POM121C: variants seen among roughly 807,000 people sequenced by gnomAD.
The protein encoded by POM121C is nuclear envelope pore membrane protein POM 121C.
In POM121C, 20 loss-of-function variants were observed where a neutral mutation model predicts 66.4. The observed-to-expected ratio is 0.30, with a 90% confidence interval of 0.21 to 0.44. The LOEUF (loss-of-function observed/expected upper bound fraction) is 0.44. POM121C is among the 20% of genes least tolerant of loss of function. POM121C has a pLI of 1.00. For missense variants in POM121C, 580 were observed against 1,225.7 expected, an observed-to-expected ratio of 0.47 and a Z score of 7.87; for synonymous variants, 286 against 528.0, an observed-to-expected ratio of 0.54 and a Z score of 6.28.
intron 3 of POM121C, among the ~76,000 whole-genome samples, chr7:75,450,811 T>A (rs1297083333): frequency 3.9e-5 from 6 of 152,238 alleles, no homozygotes; most frequent in Non-Finnish European, 7.3e-5. Context: ...ATGCCAGAGT[T>A]ACTACCTTGC....
intron 3 of POM121C, among the ~76,000 whole-genome samples, chr7:75,456,615 G>A (rs1367323676): frequency 1.3e-5 from 2 of 152,242 alleles, no homozygotes; most frequent in African/African-American, 4.8e-5. Flanking sequence ...GCTTTGGGCT[G>A]GAAATGGGGT....
intron 3 of POM121C, among the ~76,000 whole-genome samples, chr7:75,473,644 G>A (rs587653668): frequency 1.3e-5 from 2 of 152,248 alleles, no homozygotes; most frequent in South Asian, 4.1e-4. Flanking sequence ...ATAAAATCGA[G>A]GGCAGAAAAT....
rs1418265735 is a variant in POM121C, at chr7:75,417,139, T to G, written c.*1657A>C. On this transcript the variant is annotated 3_prime_UTR_variant, in exon 15 of 15. Transcript: ENST00000615331. ...GCTTGAGGTTCACTCCCTCCTCAGC[T>G]GCACACGCAGCCAGGTATAACACTC... The G allele has an allele frequency of 2.0e-6, 2 of 1,004,366 alleles. No individual in the cohort carries two copies. Among genetic ancestry groups the G allele is most frequent in the African/African-American group, 3.4e-5 (2 of 58,280 alleles). 62.2% of individuals were successfully genotyped at this position (1,004,366 alleles called of 1,614,324 possible).
chr7:75,475,256 C>T (rs1383796116), intron 1 of POM121C, 68 bp from the exon 2 acceptor site: 47 of 1,190,970 alleles, frequency 3.9e-5, no homozygotes, highest in African/African-American at 2.2e-4. Context: ...TTTTACAAAG[C>T]TCACTGGTGA....
chr7:75,476,688 T>C (rs1792091504), intron 1 of POM121C, among the ~76,000 whole-genome samples: 1 of 151,914 alleles, frequency 6.6e-6, no homozygotes, highest in African/African-American at 2.4e-5. Flanking sequence ...GTTAGAAGAC[T>C]GATCGACCAA....
At position 75,418,707 on chromosome 7, in the gene POM121C, G is replaced by T. The variant is rs587634020; in HGVS notation, c.*89C>A. On this transcript the variant is annotated 3_prime_UTR_variant, in exon 15 of 15. Coordinates refer to ENST00000615331, the MANE Select transcript of POM121C (RefSeq NM_001099415.3). Reference sequence around the variant, plus strand: ...GAGATCCGGGGTAGGTTTGCTTTACGCAGCTGGAAGGGTCCAAGGCTCTTT... The same window carrying T: ...GAGATCCGGGGTAGGTTTGCTTTACTCAGCTGGAAGGGTCCAAGGCTCTTT... 1 of 1,430,242 alleles carries T rather than the reference G, an allele frequency of 7.0e-7. No individual in the cohort carries two copies. The highest frequency in any genetic ancestry group is 2.6e-5 in the East Asian group (1 of 37,866). The allele number at this position is 1,430,242 out of a possible 1,614,324, so 88.6% of individuals were successfully genotyped here. A position where few individuals can be genotyped will look rare whatever the true frequency, so the allele number is the denominator to read the frequency against.
intron 3 of POM121C, among the ~76,000 whole-genome samples, chr7:75,453,873 A>G (rs1291371451): frequency 6.6e-6 from 1 of 152,142 alleles, no homozygotes; most frequent in African/African-American, 2.4e-5. Flanking sequence ...GTCAGCCAGG[A>G]CTTCAACTGA....
chr7:75,473,534 A>T (rs1791949880), intron 3 of POM121C, among the ~76,000 whole-genome samples: 1 of 152,190 alleles, frequency 6.6e-6, no homozygotes. Context: ...ACATCAACTG[A>T]GCATGGACTT....
At chr7:75,433,444 C>T (rs1790268289) in intron 7 of POM121C, among the ~76,000 whole-genome samples, 1 of 151,934 alleles carries the variant, frequency 6.6e-6, no homozygotes, top group African/African-American at 2.4e-5. Context: ...CAAGCTCCGC[C>T]TCCCGGGTTC....
At position 75,419,398 on chromosome 7, in the gene POM121C, C is replaced by A; in HGVS notation, c.2788G>T (p.Val930Leu). The change falls in exon 14 of 15, where the codon GTG becomes TTG. Residue 930 changes from valine (V) to leucine (L), a missense_variant. Physicochemically the swap from Val to Leu is conservative, Grantham distance 32. Coordinates refer to ENST00000615331, the MANE Select transcript of POM121C (RefSeq NM_001099415.3). ...TFGQNTPAPG[V>L]GTSGSSLSFG... is the part of the protein sequence containing the mutation. ...GAGAGGCTGCTGCCCGATGTGCCCA[C>A]TCCAGGCGCAGGGGTGTTCTGACCA... 6.2e-7 allele frequency: 1 copy of A among 1,613,900 alleles called. No homozygotes were observed.
At chr7:75,483,589 T>A (rs1377136447) in intron 1 of POM121C, among the ~76,000 whole-genome samples, 1 of 152,156 alleles carries the variant, frequency 6.6e-6, no homozygotes, top group Non-Finnish European at 1.5e-5. Flanking sequence ...TTACCCAGTC[T>A]TGGTTATTTC....
intron 7 of POM121C, among the ~76,000 whole-genome samples, chr7:75,429,763 A>G (rs1170153383): frequency 6.6e-6 from 1 of 152,252 alleles, no homozygotes; most frequent in Admixed American, 6.5e-5. Flanking sequence ...CTATAATTCC[A>G]GCACTCAGAG....
rs1275165198 is a variant in POM121C, at chr7:75,438,042, AG to A, written c.309-357del. ...TATCTTAGTGGTGGGATGGTTCCAC[AG>A]GTGTATGCGTGTCAAAATGTCACAT... On this transcript the variant is annotated intron_variant, in intron 6 of 14. Coordinates refer to ENST00000615331, the MANE Select transcript of POM121C (RefSeq NM_001099415.3). Among the ~76,000 whole-genome samples the A allele has an allele frequency of 1.1e-4, 17 of 152,328 alleles. No individual in the cohort carries two copies. In the East Asian group the frequency reaches 3.3e-3, roughly 29 times the overall value.
chr7:75,463,996 TTTTTTCTTTTTAATTTTAC>T (rs1791536426), intron 3 of POM121C, among the ~76,000 whole-genome samples: 2 of 146,468 alleles, frequency 1.4e-5, no homozygotes, highest in Admixed American at 1.4e-4. Context: ...CCTGGACTCT[TTTTTTCTTTTTAATTTTAC>T]TTTTTCTTTT....
At chr7:75,469,785 C>A (rs1791800803) in intron 3 of POM121C, among the ~76,000 whole-genome samples, 1 of 152,192 alleles carries the variant, frequency 6.6e-6, no homozygotes, top group African/African-American at 2.4e-5. Context: ...GCATACTCCT[C>A]TCTGGAATGC....
At chr7:75,420,238 A>G (rs1424300070) in intron 13 of POM121C, 1 of 149,990 alleles carries the variant, frequency 6.7e-6, no homozygotes, top group African/African-American at 2.5e-5. Flanking sequence ...CCTCTCCCCG[A>G]CCCCTGCCAC....
intron 7 of POM121C, among the ~76,000 whole-genome samples, chr7:75,427,831 G>C (rs1554471894): frequency 1.3e-5 from 2 of 152,150 alleles, no homozygotes; most frequent in Non-Finnish European, 2.9e-5. Context: ...AGTTCAAAAA[G>C]GGAAAAGAGG....
At chr7:75,428,951 GAAA>G (rs34134180) in intron 7 of POM121C, among the ~76,000 whole-genome samples, 1 of 124,466 alleles carries the variant, frequency 8.0e-6, no homozygotes. Flanking sequence ...TCTCTTCAAG[GAAA>G]AAAAAAAAAA....
intron 7 of POM121C, among the ~76,000 whole-genome samples, chr7:75,436,787 A>AT (rs1449501212): frequency 2.0e-5 from 3 of 151,678 alleles, no homozygotes; most frequent in African/African-American, 4.8e-5. Context: ...AGAGCCAAGC[A>AT]TTTTTTTCCT....
Sources: gnomAD v4.1 joint callset for allele counts (sites outside exome capture counted in the v4.1 genomes callset) on GRCh38, gnomAD v4.1.1 for gene constraint, MANE v1.5 for transcripts, NCBI Gene and HGNC (gene_info 2026-07-23, HGNC 2026-07-21) for gene names.